Variants in FLT1 observed in about 807,000 individuals in gnomAD.
The protein encoded by FLT1 is fms related receptor tyrosine kinase 1, also known as vascular endothelial growth factor receptor 1.
In FLT1, 49 loss-of-function variants were observed where a neutral mutation model predicts 156.3. That is an observed-to-expected ratio of 0.31 (90% confidence interval 0.25 to 0.40). The LOEUF is 0.40. Among genes scored for constraint, FLT1 ranks in the 10% least tolerant of loss-of-function variants. FLT1 has a pLI of 1.00. For missense variants in FLT1, 1,322 were observed against 1,637.2 expected (o/e 0.81, Z 3.32); for synonymous variants, 594 against 583.8 (o/e 1.02, Z -0.25).
At chr13:28,494,030 C>A (rs1164138620) in intron 1 of FLT1, among the ~76,000 whole-genome samples, 1 of 152,242 alleles carries the variant, frequency 6.6e-6, no homozygotes, top group African/African-American at 2.4e-5. Context: ...CGGACTGGAC[C>A]GCGCACCACG....
chr13:28,311,963 G>T, intron 26 of FLT1, 30 bp downstream of exon 26: 1 of 1,438,004 alleles, frequency 7.0e-7, no homozygotes, highest in Non-Finnish European at 9.8e-7. Flanking sequence ...ACATTCAAAG[G>T]CATTTTGATG....
chr13:28,411,775 A>T (rs1876210709), intron 10 of FLT1, among the ~76,000 whole-genome samples: 1 of 152,128 alleles, frequency 6.6e-6, no homozygotes, highest in African/African-American at 2.4e-5. Context: ...TGCCTATTTG[A>T]GCCAGAGCCA....
intron 11 of FLT1, among the ~76,000 whole-genome samples, chr13:28,402,919 A>T (rs1593750388): frequency 1.3e-5 from 2 of 152,106 alleles, no homozygotes; most frequent in Admixed American, 1.3e-4. Context: ...CCTTCCGAGT[A>T]GCTGGGATTA....
chr13:28,434,152 T>A lies in FLT1; in HGVS notation c.582A>T (p.Ile194=), dbSNP rs771625437. Residue 194 remains isoleucine, a synonymous_variant, in exon 5 of 30, where the codon ATA becomes ATT. Coordinates refer to ENST00000282397, the MANE Select transcript of FLT1 (RefSeq NM_002019.4). ...CTATTTCTTTGTACGTTGCATTTGA[T>A]ATGATGAAGCCCTTTCTACTGTCCC... is the stretch of plus-strand genomic sequence containing the variant. ...IIWDSRKGFI[I]SNATYKEIGL... 68 of 1,614,006 alleles carry A rather than the reference T, an allele frequency of 4.2e-5. No homozygotes were observed. The highest frequency in any genetic ancestry group is 4.7e-5 in the Non-Finnish European group (56 of 1,180,002).
chr13:28,322,233 G>T lies in FLT1; in HGVS notation c.3051+29C>A. 7.5e-7 allele frequency: 1 copy of T among 1,340,168 alleles called. No individual in the cohort carries two copies. Among genetic ancestry groups the T allele is most frequent in the Non-Finnish European group, 1.1e-6 (1 of 929,782 alleles). 83.0% of individuals were successfully genotyped at this position (1,340,168 alleles called of 1,614,324 possible). A position where few individuals can be genotyped will look rare whatever the true frequency, so the allele number is the denominator to read the frequency against. ...AAGGTGTGTGTCCAGCCCTGGCAGA[G>T]AAGAAAAACAGTAAACAGCAAGACT... On this transcript the variant is annotated intron_variant, in intron 22 of 29. Coordinates refer to ENST00000282397, the MANE Select transcript of FLT1 (RefSeq NM_002019.4). This position sits in a 1 kb window ranked among gnomAD's most constrained non-coding sequence, Gnocchi z 4.3.
At chr13:28,320,525 A>G (rs970517241) in intron 23 of FLT1, among the ~76,000 whole-genome samples, 1 of 151,452 alleles carries the variant, frequency 6.6e-6, no homozygotes, top group African/African-American at 2.4e-5. Flanking sequence ...TTCTTAAAAC[A>G]TGATGAGATT....
intron 1 of FLT1, among the ~76,000 whole-genome samples, chr13:28,491,744 C>T (rs964892464): frequency 1.6e-4 from 24 of 152,164 alleles, no homozygotes; most frequent in African/African-American, 5.8e-4. Flanking sequence ...AAGACAGACA[C>T]GGTGTTCAGG....
At chr13:28,475,662 T>TA (rs1186549808) in intron 1 of FLT1, among the ~76,000 whole-genome samples, 1 of 152,254 alleles carries the variant, frequency 6.6e-6, no homozygotes, top group African/African-American at 2.4e-5. Context: ...CCAACATTTT[T>TA]ATTTGCGATG....
intron 3 of FLT1, among the ~76,000 whole-genome samples, chr13:28,443,230 GACA>G (rs1432486119): frequency 6.6e-6 from 1 of 152,182 alleles, no homozygotes; most frequent in African/African-American, 2.4e-5. Flanking sequence ...TATCCTTCAG[GACA>G]ACAAGTGGGC....
At chr13:28,311,779 A>G (rs777484833) in intron 26 of FLT1, 47 bp from the exon 27 acceptor site, 5 of 1,602,312 alleles carry the variant, frequency 3.1e-6, no homozygotes, top group Non-Finnish European at 4.3e-6. Context: ...TCTGACTTCA[A>G]CAATTTCTAT....
At position 28,317,590 on chromosome 13, in the gene FLT1, A is replaced by G; in HGVS notation, c.3294T>C (p.Ser1098=). 1 of 1,611,908 alleles carries G rather than the reference A, an allele frequency of 6.2e-7. No individual in the cohort carries two copies. The highest frequency in any genetic ancestry group is 8.5e-7 in the Non-Finnish European group (1 of 1,177,886). Residue 1098 remains serine (S), a synonymous_variant, in exon 25 of 30, where the codon TCT becomes TCC. Transcript: ENST00000282397. ...LLWEIFSLGG[S]PYPGVQMDED... is the part of the protein sequence containing the mutation. ...CATCCATTTGTACTCCTGGGTATGGAGACCCACCTGCGGGAGACAATGTGG... is the reference window on the plus strand; with the variant it reads ...CATCCATTTGTACTCCTGGGTATGGGGACCCACCTGCGGGAGACAATGTGG...
At chr13:28,316,839 T>A (rs577271411) in intron 25 of FLT1, among the ~76,000 whole-genome samples, 1 of 152,002 alleles carries the variant, frequency 6.6e-6, no homozygotes, top group Non-Finnish European at 1.5e-5. Context: ...GCCAGGCTAG[T>A]CTCGAACTCC....
intron 10 of FLT1, among the ~76,000 whole-genome samples, chr13:28,426,690 G>A (rs1022373664): frequency 6.6e-6 from 1 of 152,182 alleles, no homozygotes; most frequent in Non-Finnish European, 1.5e-5. Context: ...ATGGGTGGAG[G>A]TGCATTTCAG....
chr13:28,479,379 C>T (rs1232729957), intron 1 of FLT1, among the ~76,000 whole-genome samples: 2 of 152,120 alleles, frequency 1.3e-5, no homozygotes, highest in East Asian at 1.9e-4. Context: ...ATTAATCATG[C>T]TTCGGAAATG....
rs554025918 is a variant in FLT1 at position 28,434,017 on chromosome 13, A to T, written c.676+41T>A. On this transcript the variant is annotated intron_variant, in intron 5 of 29. Coordinates refer to ENST00000282397, the MANE Select transcript of FLT1 (RefSeq NM_002019.4). The stretch of plus-strand genomic sequence containing the variant: ...TTTCATTACACAGATAAAAATACAG[A>T]GCACTTCGGCTTATGTTCATGCCTT... The T allele has an allele frequency of 3.5e-5, 56 of 1,613,926 alleles. No individual in the cohort carries two copies. The South Asian group carries it at 4.6e-4, about 13-fold the overall frequency.
intron 11 of FLT1, among the ~76,000 whole-genome samples, chr13:28,401,564 C>A (rs1924979): frequency 0.96 from 146,086 of 152,312 alleles, 70,262 homozygotes; most frequent in East Asian, 1. Context: ...GTTTTTTAAA[C>A]ATCTATATAT....
At chr13:28,328,887 A>C (rs1175984393) in intron 19 of FLT1, among the ~76,000 whole-genome samples, 1 of 152,226 alleles carries the variant, frequency 6.6e-6, no homozygotes, top group African/African-American at 2.4e-5. Context: ...ATGATGGAGA[A>C]GCAGGCGGGG....
chr13:28,377,308 TAAC>T (rs1179511801), intron 14 of FLT1, among the ~76,000 whole-genome samples: 2 of 152,222 alleles, frequency 1.3e-5, no homozygotes, highest in Non-Finnish European at 2.9e-5. Context: ...TATATACAGC[TAAC>T]AACAATTGAG....
At chr13:28,333,944 G>T in intron 18 of FLT1, 81 bp downstream of exon 18, 1 of 899,496 alleles carries the variant, frequency 1.1e-6, no homozygotes, top group Non-Finnish European at 1.9e-6. Flanking sequence ...TCTGTTCCCA[G>T]GCTATATCTA....
Sources: allele counts gnomAD v4.1 joint callset (sites outside exome capture counted in the v4.1 genomes callset), GRCh38; gene constraint gnomAD v4.1.1; non-coding constraint Gnocchi (gnomAD v3.1); transcripts MANE v1.5; gene names NCBI Gene and HGNC (gene_info 2026-07-23, HGNC 2026-07-21).